Variants in MYO6 observed in about 807,000 individuals in gnomAD.
MYO6 encodes unconventional myosin-VI.
MYO6 carries 74 observed loss-of-function variants against 178.7 expected under a neutral mutation model. That is an observed-to-expected ratio of 0.41 (90% confidence interval 0.34 to 0.50). MYO6 has a LOEUF of 0.50. Among genes scored for constraint, MYO6 ranks in the 20% least tolerant of loss-of-function variants. The pLI is 0.09. For missense variants in MYO6, 1,330 were observed against 1,547.4 expected (o/e 0.86, Z 2.36); for synonymous variants, 477 against 504.6 (o/e 0.95, Z 0.73).
intron 3 of MYO6, among the ~76,000 whole-genome samples, chr6:75,823,890 C>G (rs1772164450): frequency 6.6e-6 from 1 of 152,184 alleles, no homozygotes; most frequent in Non-Finnish European, 1.5e-5. Context: ...TCTAATGACT[C>G]TTAATAAATG....
rs531300897 is a variant in MYO6 at position 75,786,088 on chromosome 6, T to G, written c.-47-31413T>G. Among the ~76,000 whole-genome samples the G allele has an allele frequency of 9.2e-5, 14 of 151,788 alleles. No homozygotes were observed. In the South Asian group the frequency reaches 1.7e-3, roughly 18 times the overall value. Reference sequence around the variant, plus strand: ...CTGCCACCACGCCCAGCTAAATTTTTTTTGTGTGTGTGTTTTTTAGTAGAG... The same window carrying G: ...CTGCCACCACGCCCAGCTAAATTTTGTTTGTGTGTGTGTTTTTTAGTAGAG... On this transcript the variant is annotated intron_variant, in intron 1 of 34. Coordinates refer to ENST00000369977, the MANE Select transcript of MYO6 (RefSeq NM_004999.4).
chr6:75,801,783 A>G (rs1214906883), intron 1 of MYO6, among the ~76,000 whole-genome samples: 1 of 152,088 alleles, frequency 6.6e-6, no homozygotes, highest in Admixed American at 6.5e-5. Flanking sequence ...TCTACTAAAA[A>G]TACAAAAATT....
At chr6:75,768,806 T>C (rs1426160830) in intron 1 of MYO6, among the ~76,000 whole-genome samples, 2 of 152,214 alleles carry the variant, frequency 1.3e-5, no homozygotes, top group Admixed American at 1.3e-4. Context: ...TGTATTAGTC[T>C]GGTTTTTGTG....
At chr6:75,860,524 A>G (rs1165586889) in intron 14 of MYO6, among the ~76,000 whole-genome samples, 1 of 152,230 alleles carries the variant, frequency 6.6e-6, no homozygotes, top group Non-Finnish European at 1.5e-5. Flanking sequence ...AATAAATGTG[A>G]ATTTCAAATT....
At chr6:75,824,229 C>T (rs370814464) in intron 3 of MYO6, among the ~76,000 whole-genome samples, 1 of 152,192 alleles carries the variant, frequency 6.6e-6, no homozygotes, top group African/African-American at 2.4e-5. Context: ...TCTTGCTATG[C>T]TTGTCTAACT....
chr6:75,802,028 A>AT (rs1769520087), intron 1 of MYO6, among the ~76,000 whole-genome samples: 1 of 152,196 alleles, frequency 6.6e-6, no homozygotes, highest in Non-Finnish European at 1.5e-5. Flanking sequence ...AGAATAATAT[A>AT]TTTTATAATT....
rs1440436795 is a variant in MYO6 at position 75,870,676 on chromosome 6, T to G, written c.1974T>G (p.Leu658=). ...AGTTAAATTTGCTTCTGGATAAACTTCGAAGTACTGTGAGTATGCTTAAAA... is the reference window on the plus strand; with the variant it reads ...AGTTAAATTTGCTTCTGGATAAACTGCGAAGTACTGTGAGTATGCTTAAAA... ...KTQLNLLLDK[L]RSTGASFIRC... is the part of the protein sequence containing the mutation. The change falls in exon 19 of 35, where the codon CTT becomes CTG. Residue 658 remains leucine, a synonymous_variant. Transcript: ENST00000369977. The G allele has an allele frequency of 6.2e-7, 1 of 1,612,142 alleles. No individual in the cohort carries two copies. Among genetic ancestry groups the G allele is most frequent in the Admixed American group, 1.7e-5 (1 of 60,010 alleles).
chr6:75,895,205 T>C (rs767887872), intron 28 of MYO6, 26 bp from the exon 29 acceptor site: 30 of 1,574,980 alleles, frequency 1.9e-5, no homozygotes, highest in Non-Finnish European at 2.4e-5. Flanking sequence ...GGTTACGATA[T>C]TAACTAAAAT....
At chr6:75,851,549 T>TC (rs1775263982) in intron 11 of MYO6, among the ~76,000 whole-genome samples, 1 of 151,896 alleles carries the variant, frequency 6.6e-6, no homozygotes, top group African/African-American at 2.4e-5. Context: ...TTGCGTGTTA[T>TC]CCCAGCATTT....
At chr6:75,877,272 C>CTT (rs767503028) in intron 20 of MYO6, among the ~76,000 whole-genome samples, 2 of 143,176 alleles carry the variant, frequency 1.4e-5, no homozygotes, top group East Asian at 2.0e-4. Context: ...CGCGCCTCGT[C>CTT]TTTTTTTTTT....
At position 75,751,768 on chromosome 6, in the gene MYO6, G is replaced by C. The variant is rs185653678; in HGVS notation, c.-48+2345G>C. ...TCCAAAATGTAGCTTTCTTTAGAAAGTTTTAAAGACTTTGACCATGTGAGG... is the reference window on the plus strand; with the variant it reads ...TCCAAAATGTAGCTTTCTTTAGAAACTTTTAAAGACTTTGACCATGTGAGG... On this transcript the variant is annotated intron_variant, in intron 1 of 34. Coordinates refer to ENST00000369977, the MANE Select transcript of MYO6 (RefSeq NM_004999.4). Among the ~76,000 whole-genome samples the C allele has an allele frequency of 3.9e-4, 60 of 152,164 alleles. No individual in the cohort carries two copies. In the Middle Eastern group the frequency reaches 0.01, roughly 26 times the overall value.
chr6:75,838,966 G>T (rs1488871506), intron 7 of MYO6, among the ~76,000 whole-genome samples: 1 of 150,918 alleles, frequency 6.6e-6, no homozygotes, highest in Non-Finnish European at 1.5e-5. Flanking sequence ...GGCTGACCAT[G>T]TTGGCTTCAG....
At chr6:75,772,363 C>T (rs536635102) in intron 1 of MYO6, among the ~76,000 whole-genome samples, 2 of 152,250 alleles carry the variant, frequency 1.3e-5, no homozygotes, top group African/African-American at 4.8e-5. Context: ...AAAGCCTTCT[C>T]ATTCGCATAG....
In MYO6 at chr6:75,832,823, T is replaced by C. The variant is rs1220037759; in HGVS notation, c.392-19T>C. 1.4e-6 allele frequency: 2 copies of C among 1,446,992 alleles called. No individual in the cohort carries two copies. The highest frequency in any genetic ancestry group is 1.7e-5 in the Admixed American group (1 of 59,804). 89.6% of individuals were successfully genotyped at this position (1,446,992 alleles called of 1,614,324 possible). A position where few individuals can be genotyped will look rare whatever the true frequency, so the allele number is the denominator to read the frequency against. ...TATTTAATATATTGCTCATCATTAA[T>C]GTCTTATTTTGACCCTAGCTGATAA... On this transcript the variant is annotated intron_variant, in intron 5 of 34. Transcript: ENST00000369977.
Position 75,832,965 on chromosome 6 carries a change from T to A in MYO6, c.497+18T>A, listed in dbSNP as rs369451953. On this transcript the variant is annotated intron_variant, in intron 6 of 34. Transcript: ENST00000369977. ...GTTCTAAGGTGAGTATTCAGCTAACTTGAAGTATTTGAGTAGGTTGATCTT... is the reference window on the plus strand; with the variant it reads ...GTTCTAAGGTGAGTATTCAGCTAACATGAAGTATTTGAGTAGGTTGATCTT... 1.3e-6 allele frequency: 2 copies of A among 1,521,974 alleles called. No individual in the cohort carries two copies. Among genetic ancestry groups the A allele is most frequent in the Non-Finnish European group, 1.8e-6 (2 of 1,096,310 alleles). The allele number at this position is 1,521,974 out of a possible 1,614,324, so 94.3% of individuals were successfully genotyped here. A position where few individuals can be genotyped will look rare whatever the true frequency, so the allele number is the denominator to read the frequency against.
chr6:75,909,183 C>T (rs1780576287), intron 32 of MYO6, among the ~76,000 whole-genome samples: 2 of 152,110 alleles, frequency 1.3e-5, no homozygotes, highest in Admixed American at 1.3e-4. Flanking sequence ...AGCTACTGCT[C>T]CCACCCCTTT....
intron 1 of MYO6, among the ~76,000 whole-genome samples, chr6:75,778,171 T>A (rs1766578336): frequency 6.6e-6 from 1 of 152,204 alleles, no homozygotes; most frequent in African/African-American, 2.4e-5. Flanking sequence ...TATAGTATAT[T>A]GTCTTCTATA....
At chr6:75,853,831 A>G (rs1775500059) in intron 11 of MYO6, among the ~76,000 whole-genome samples, 2 of 152,328 alleles carry the variant, frequency 1.3e-5, no homozygotes, top group South Asian at 2.1e-4. Context: ...AAATAAATAT[A>G]AAGAATAGTT....
chr6:75,912,039 T>C (rs1780794549), intron 33 of MYO6, among the ~76,000 whole-genome samples: 2 of 151,956 alleles, frequency 1.3e-5, no homozygotes, highest in African/African-American at 4.8e-5. Context: ...AAGACTAACT[T>C]TTAGGTGCTG....
Sources: gnomAD v4.1 joint callset for allele counts (sites outside exome capture counted in the v4.1 genomes callset) on GRCh38, gnomAD v4.1.1 for gene constraint, MANE v1.5 for transcripts, NCBI Gene and HGNC (gene_info 2026-07-23, HGNC 2026-07-21) for gene names.